MIA2: variants seen among roughly 807,000 people sequenced by gnomAD.
The protein encoded by MIA2 is MIA SH3 domain ER export factor 2, also known as melanoma inhibitory activity protein 2.
MIA2 carries 127 observed loss-of-function variants against 167.8 expected under a neutral mutation model. That is an observed-to-expected ratio of 0.76 (90% CI 0.66 to 0.88). MIA2 has a LOEUF of 0.88. Among genes scored for constraint, MIA2 ranks in the 40% least tolerant of loss-of-function variants. MIA2 has a pLI of 0.00. For synonymous variants in MIA2, 552 were observed against 541.9 expected, an observed-to-expected ratio of 1.02 and a Z score of -0.26; for missense variants, 1,690 against 1,624.7, an observed-to-expected ratio of 1.04 and a Z score of -0.69.
chr14:39,340,584 G>GTAGAAT (rs2071573003), intron 25 of MIA2, among the ~76,000 whole-genome samples: 1 of 152,178 alleles, frequency 6.6e-6, no homozygotes, highest in South Asian at 2.1e-4. Flanking sequence ...GACTGATTTA[G>GTAGAAT]TAGAATTATA....
chr14:39,355,277 C>G (rs1024254023), downstream of MIA2, among the ~76,000 whole-genome samples: 1 of 152,146 alleles, frequency 6.6e-6, no homozygotes, highest in African/African-American at 2.4e-5. Flanking sequence ...CTTCACATCC[C>G]TTGTAAGTTG....
chr14:39,327,358 T>G (rs2067788437), intron 25 of MIA2, among the ~76,000 whole-genome samples: 1 of 152,156 alleles, frequency 6.6e-6, no homozygotes, highest in South Asian at 2.1e-4. Flanking sequence ...TCCCAGAATT[T>G]AGTTGTAGGT....
At chr14:39,305,024 C>T (rs1265707346) in intron 17 of MIA2, among the ~76,000 whole-genome samples, 2 of 152,262 alleles carry the variant, frequency 1.3e-5, no homozygotes, top group East Asian at 1.9e-4. Flanking sequence ...GAAGGACATA[C>T]TCAAATGTCA....
Position 39,303,525 on chromosome 14 carries a change from G to A in MIA2, c.2787+1G>A. 1 of 1,608,016 alleles carries A rather than the reference G, an allele frequency of 6.2e-7. No individual in the cohort carries two copies. On this transcript the variant is annotated splice_donor_variant, in intron 16 of 28. Coordinates refer to ENST00000640607, the MANE Select transcript of MIA2 (RefSeq NM_001329214.4). LOFTEE classifies it high-confidence loss of function. ...GAAGAAACTGATTCATGCTGCTAAG[G>A]TTTGTGCTATTAGATACTTAAAAAG...
At chr14:39,344,669 A>C (rs2072809806) in intron 25 of MIA2, among the ~76,000 whole-genome samples, 1 of 152,206 alleles carries the variant, frequency 6.6e-6, no homozygotes. Context: ...GATTCTATAA[A>C]GTCAATTAGA....
intron 6 of MIA2, among the ~76,000 whole-genome samples, chr14:39,264,676 A>C (rs1056763035): frequency 1.3e-5 from 2 of 152,340 alleles, no homozygotes; most frequent in African/African-American, 4.8e-5. Flanking sequence ...CATCACTAGT[A>C]CAGAGATTAA....
intron 23 of MIA2, among the ~76,000 whole-genome samples, chr14:39,362,658 T>G (rs1212803887): frequency 2.6e-5 from 4 of 152,186 alleles, no homozygotes; most frequent in Admixed American, 2.0e-4. Flanking sequence ...ATCTTTGTAT[T>G]GTTTTTCTAG....
chr14:39,310,732 C>G (rs2064098947), intron 18 of MIA2, among the ~76,000 whole-genome samples: 1 of 152,260 alleles, frequency 6.6e-6, no homozygotes, highest in East Asian at 1.9e-4. Context: ...GATCAGGATG[C>G]TGGGTAGTGC....
intron 6 of MIA2, among the ~76,000 whole-genome samples, chr14:39,267,706 G>A (rs1032629745): frequency 6.6e-6 from 1 of 152,194 alleles, no homozygotes; most frequent in Non-Finnish European, 1.5e-5. Context: ...GCGCTTGAGT[G>A]GTTTTTGTGT....
chr14:39,344,987 GTC>G (rs1482021623), intron 25 of MIA2, among the ~76,000 whole-genome samples: 5 of 152,302 alleles, frequency 3.3e-5, no homozygotes, highest in Middle Eastern at 3.4e-3. Flanking sequence ...CCAAATTTGT[GTC>G]TCTCCAGATG....
intron 2 of MIA2, among the ~76,000 whole-genome samples, chr14:39,239,559 AAAAAAC>A (rs1296354261): frequency 1.1e-4 from 17 of 152,164 alleles, no homozygotes; most frequent in African/African-American, 2.2e-4. Context: ...TGTCTCTATT[AAAAAAC>A]AAAAACAAAA....
At chr14:39,278,478 T>C (rs2058484145) in intron 7 of MIA2, among the ~76,000 whole-genome samples, 1 of 152,228 alleles carries the variant, frequency 6.6e-6, no homozygotes, top group South Asian at 2.1e-4. Context: ...CCCTTTTATC[T>C]CTATCCATAT....
intron 2 of MIA2, among the ~76,000 whole-genome samples, chr14:39,237,481 G>A (rs2053808311): frequency 6.6e-6 from 1 of 152,114 alleles, no homozygotes; most frequent in Admixed American, 6.6e-5. Flanking sequence ...AAAACACGGT[G>A]TATATATTAA....
chr14:39,266,437 A>G (rs1404886108), intron 6 of MIA2: 9 of 985,446 alleles, frequency 9.1e-6, no homozygotes, highest in Non-Finnish European at 1.1e-5. Flanking sequence ...GCGCCAGGCC[A>G]AGGTCCACGG....
intron 23 of MIA2, among the ~76,000 whole-genome samples, chr14:39,356,813 A>C (rs1003598999): frequency 6.6e-6 from 1 of 152,212 alleles, no homozygotes; most frequent in Non-Finnish European, 1.5e-5. Context: ...TTATGTACCC[A>C]GTAGTCATTC....
At chr14:39,318,474 CAGG>C (rs1345394574) in intron 22 of MIA2, among the ~76,000 whole-genome samples, 2 of 152,056 alleles carry the variant, frequency 1.3e-5, no homozygotes, top group African/African-American at 4.8e-5. Context: ...TGTACAATAG[CAGG>C]GAAGAATAAG....
rs1264865896 is a variant in MIA2 at position 39,266,334 on chromosome 14, C to T, written c.1888-10600C>T. 3 of 985,252 alleles carry T rather than the reference C, an allele frequency of 3.0e-6. No individual in the cohort carries two copies. The East Asian group carries it at 3.4e-4, about 112-fold the overall frequency. 61.0% of individuals were successfully genotyped at this position (985,252 alleles called of 1,614,324 possible). A position where few individuals can be genotyped will look rare whatever the true frequency, so the allele number is the denominator to read the frequency against. Reference sequence around the variant, plus strand: ...TCCTACGAACAAATCCAGCACTTGGCACTTTATTCGACGGTCCTAAAAATA... The same window carrying T: ...TCCTACGAACAAATCCAGCACTTGGTACTTTATTCGACGGTCCTAAAAATA... On this transcript the variant is annotated intron_variant, in intron 6 of 28. Coordinates refer to ENST00000640607, the MANE Select transcript of MIA2 (RefSeq NM_001329214.4).
intron 22 of MIA2, 34 bp from the exon 23 acceptor site, chr14:39,319,175 G>T (rs2065977875): frequency 8.0e-7 from 1 of 1,254,640 alleles, no homozygotes. Flanking sequence ...TCTCTTGGAT[G>T]AGTAACTTAG....
chr14:39,346,082 C>G (rs1481585082), intron 26 of MIA2, 56 bp downstream of exon 26: 1 of 1,480,756 alleles, frequency 6.8e-7, no homozygotes, highest in Admixed American at 1.8e-5. Context: ...CACTAAAGAA[C>G]TGGAAGTTAG....
Sources: gnomAD v4.1 joint callset for allele counts (sites outside exome capture counted in the v4.1 genomes callset) on GRCh38, gnomAD v4.1.1 for gene constraint, MANE v1.5 for transcripts, NCBI Gene and HGNC (gene_info 2026-07-23, HGNC 2026-07-21) for gene names.